Variants in LDB2 observed in about 807,000 individuals in gnomAD.
The protein encoded by LDB2 is LIM domain binding 2.
LDB2 carries 12 observed loss-of-function variants against 44.3 expected under a neutral mutation model. That is an observed-to-expected ratio of 0.27 (90% confidence interval 0.17 to 0.44). The LOEUF is 0.44. Ranked by LOEUF, LDB2 falls within the 20% of genes least tolerant of loss-of-function variation. LDB2 has a pLI of 1.00. For synonymous variants in LDB2, 164 were observed against 174.8 expected (o/e 0.94, Z 0.49); for missense variants, 344 against 473.5 (o/e 0.73, Z 2.54).
At chr4:16,866,250 G>A (rs1006089753) in intron 1 of LDB2, among the ~76,000 whole-genome samples, 3 of 152,110 alleles carry the variant, frequency 2.0e-5, no homozygotes, top group African/African-American at 7.2e-5. Flanking sequence ...GAGTTACAAA[G>A]TAGCACACCT....
intron 2 of LDB2, among the ~76,000 whole-genome samples, chr4:16,717,484 A>C (rs1057181331): frequency 6.6e-6 from 1 of 152,090 alleles, no homozygotes; most frequent in Non-Finnish European, 1.5e-5. Context: ...TTATTCACTG[A>C]CTTGCTTCCA....
intron 2 of LDB2, among the ~76,000 whole-genome samples, chr4:16,618,433 C>T (rs978965741): frequency 1.3e-5 from 2 of 152,126 alleles, no homozygotes; most frequent in African/African-American, 4.8e-5. Flanking sequence ...GCACCCAGCA[C>T]CTAATAAGAG....
chr4:16,559,980 A>G (rs1178449812), intron 5 of LDB2, among the ~76,000 whole-genome samples: 26 of 152,290 alleles, frequency 1.7e-4, no homozygotes, highest in East Asian at 1.5e-3. Context: ...GGTACATAAC[A>G]AAATGAAGGC....
intron 1 of LDB2, among the ~76,000 whole-genome samples, chr4:16,831,174 CT>C (rs370309653): frequency 0.28 from 35,796 of 126,442 alleles, 3,877 homozygotes; most frequent in South Asian, 0.44. Flanking sequence ...CCTCTCTGAG[CT>C]TTTTTTTTTT....
At chr4:16,693,640 G>C (rs1751403101) in intron 2 of LDB2, among the ~76,000 whole-genome samples, 2 of 152,100 alleles carry the variant, frequency 1.3e-5, no homozygotes, top group Admixed American at 1.3e-4. Flanking sequence ...ATCACCTTCT[G>C]TGGTGTGTTT....
At chr4:16,634,333 C>T (rs1207669980) in intron 2 of LDB2, among the ~76,000 whole-genome samples, 1 of 137,910 alleles carries the variant, frequency 7.3e-6, no homozygotes, top group African/African-American at 2.6e-5. Context: ...TCAGAGTGAA[C>T]AGGCAACCTG....
rs138299386 is a variant in LDB2 at position 16,783,079 on chromosome 4, G to A, written c.133-23819C>T. Among the ~76,000 whole-genome samples, 658 of 152,290 alleles carry A rather than the reference G, an allele frequency of 4.3e-3. 2 individuals are homozygous for A. The highest frequency in any genetic ancestry group is 0.024 in the Middle Eastern group (7 of 294). On this transcript the variant is annotated intron_variant, in intron 1 of 7. Coordinates refer to ENST00000304523, the MANE Select transcript of LDB2 (RefSeq NM_001290.5). ...TCTTCAAAGATGTGAAGAATTTGAGGCGTACAGGCAGCAGGACAGCTAGTG... is the reference window on the plus strand; with the variant it reads ...TCTTCAAAGATGTGAAGAATTTGAGACGTACAGGCAGCAGGACAGCTAGTG...
chr4:16,867,733 G>C (rs1715176965), intron 1 of LDB2, among the ~76,000 whole-genome samples: 1 of 152,184 alleles, frequency 6.6e-6, no homozygotes, highest in South Asian at 2.1e-4. Flanking sequence ...GTAGTTGGGA[G>C]CAATGGTGAA....
chr4:16,800,738 A>G (rs534102954), intron 1 of LDB2, among the ~76,000 whole-genome samples: 3 of 152,160 alleles, frequency 2.0e-5, no homozygotes, highest in Non-Finnish European at 2.9e-5. Flanking sequence ...GCAGTGGCGC[A>G]ATCTCGGCTC....
intron 1 of LDB2, among the ~76,000 whole-genome samples, chr4:16,888,473 G>T (rs762235989): frequency 2.0e-5 from 3 of 152,020 alleles, no homozygotes; most frequent in Non-Finnish European, 4.4e-5. Context: ...ACATAACAAG[G>T]TATATGATTA....
intron 1 of LDB2, among the ~76,000 whole-genome samples, chr4:16,839,071 G>T (rs1336685896): frequency 1.3e-5 from 2 of 152,164 alleles, no homozygotes; most frequent in African/African-American, 4.8e-5. Context: ...AAGGAGAGGG[G>T]AATGAAACTA....
At chr4:16,650,430 G>A (rs1367821940) in intron 2 of LDB2, among the ~76,000 whole-genome samples, 1 of 152,120 alleles carries the variant, frequency 6.6e-6, no homozygotes, top group African/African-American at 2.4e-5. Flanking sequence ...AGTTGACTAT[G>A]TTTTGGGTTC....
chr4:16,573,307 G>C (rs1430944108), intron 5 of LDB2, among the ~76,000 whole-genome samples: 1 of 152,180 alleles, frequency 6.6e-6, no homozygotes, highest in Non-Finnish European at 1.5e-5. Context: ...ATGTTACAGA[G>C]CTCAATGCTG....
intron 1 of LDB2, among the ~76,000 whole-genome samples, chr4:16,801,539 CT>C (rs1424274634): frequency 6.6e-6 from 1 of 152,134 alleles, no homozygotes; most frequent in Non-Finnish European, 1.5e-5. Context: ...TAGGAAAACA[CT>C]TTGGGGAACA....
At chr4:16,819,403 T>C (rs169604) in intron 1 of LDB2, among the ~76,000 whole-genome samples, 54,758 of 145,802 alleles carry the variant, frequency 0.38, 10,917 homozygotes, top group East Asian at 0.68. Context: ...TTCAGTACTT[T>C]AGGTCAGATT....
At chr4:16,688,751 C>T (rs1326067718) in intron 2 of LDB2, among the ~76,000 whole-genome samples, 1 of 152,184 alleles carries the variant, frequency 6.6e-6, no homozygotes, top group Non-Finnish European at 1.5e-5. Context: ...AATCTACAGG[C>T]TCAATGTCAA....
intron 1 of LDB2, among the ~76,000 whole-genome samples, chr4:16,842,396 A>C (rs1786056969): frequency 6.6e-6 from 1 of 152,164 alleles, no homozygotes; most frequent in African/African-American, 2.4e-5. Context: ...TAATTTACAA[A>C]ATAAACCTTA....
rs140679382 is a variant in LDB2, at chr4:16,796,449, C to T, written c.133-37189G>A. Among the ~76,000 whole-genome samples, 232 of 152,214 alleles carry T rather than the reference C, an allele frequency of 1.5e-3. 1 individual carries two copies. Among genetic ancestry groups the T allele is most frequent in the Non-Finnish European group, 2.6e-3 (174 of 68,022 alleles). ...TAAATAACATAGTACTGGATTATAA[C>T]TCAATGTACAATACTGACATCCATG... On this transcript the variant is annotated intron_variant, in intron 1 of 7. Coordinates refer to ENST00000304523, the MANE Select transcript of LDB2 (RefSeq NM_001290.5).
At chr4:16,801,231 C>T (rs1777763480) in intron 1 of LDB2, among the ~76,000 whole-genome samples, 1 of 152,126 alleles carries the variant, frequency 6.6e-6, no homozygotes, top group South Asian at 2.1e-4. Flanking sequence ...CTCTTAAGCC[C>T]CTGGGCTTCA....
Sources: allele counts gnomAD v4.1 joint callset (sites outside exome capture counted in the v4.1 genomes callset), GRCh38; gene constraint gnomAD v4.1.1; transcripts MANE v1.5; gene names NCBI Gene and HGNC (gene_info 2026-07-23, HGNC 2026-07-21).